The following RWDD2B variants were observed in gnomAD, a reference collection of about 807,000 sequenced individuals.
RWDD2B encodes the protein RWD domain-containing protein 2B.
RWDD2B carries 36 observed loss-of-function variants against 33.6 expected under a neutral mutation model. The observed-to-expected ratio is 1.07, with a 90% CI of 0.82 to 1.42. The LOEUF is 1.42. Among genes scored for constraint, RWDD2B ranks in the 40% most tolerant of loss-of-function variants. RWDD2B has a pLI of 0.00. For missense variants in RWDD2B, 364 were observed against 377.5 expected (o/e 0.96, Z 0.30); for synonymous variants, 126 against 133.1 (o/e 0.95, Z 0.37).
Position 29,006,623 on chromosome 21 carries a change from A to C in RWDD2B, c.754T>G (p.Leu252Val). Residue 252 changes from leucine to valine, a missense_variant, in exon 5 of 5, where the codon TTA (leucine) becomes GTA (valine). Leu to Val is a conservative substitution (Grantham distance 32). Coordinates refer to ENST00000493196, the MANE Select transcript of RWDD2B (RefSeq NM_016940.3). Reference protein sequence around the residue: ...RLRKLNWKRILIRHREDIPFD... With the variant: ...RLRKLNWKRIVIRHREDIPFD... ...GGAATGTCTTCTCGATGGCGAATTA[A>C]AATTCTCTTCCAGTTTAATTTTCTG... 1 of 1,605,678 alleles carries C rather than the reference A, an allele frequency of 6.2e-7. No homozygotes were observed. Among genetic ancestry groups the C allele is most frequent in the Non-Finnish European group, 8.5e-7 (1 of 1,176,568 alleles).
chr21:29,016,365 A>C (rs1257898802), intron 1 of RWDD2B, among the ~76,000 whole-genome samples: 2 of 152,062 alleles, frequency 1.3e-5, no homozygotes, highest in African/African-American at 2.4e-5. Flanking sequence ...CCCAGGTTCA[A>C]GCGATTCTCC....
At chr21:29,010,145 T>C (rs542136335) in intron 1 of RWDD2B, among the ~76,000 whole-genome samples, 169 of 152,314 alleles carry the variant, frequency 1.1e-3, no homozygotes, top group African/African-American at 3.7e-3. Context: ...AACTGAATAC[T>C]GTGTATTCAA....
At chr21:29,018,303 A>C (rs540113631) in intron 1 of RWDD2B, among the ~76,000 whole-genome samples, 211 of 152,360 alleles carry the variant, frequency 1.4e-3, no homozygotes, top group African/African-American at 4.9e-3. Flanking sequence ...TGGGGAGCTG[A>C]AGCTTGGTTT....
At chr21:29,013,416 G>A (rs1445329184) in intron 1 of RWDD2B, among the ~76,000 whole-genome samples, 7 of 152,074 alleles carry the variant, frequency 4.6e-5, no homozygotes, top group South Asian at 4.1e-4. Context: ...TAGGCCTGGC[G>A]CGGTAGCTCA....
intron 1 of RWDD2B, among the ~76,000 whole-genome samples, chr21:29,013,816 C>A (rs1245337251): frequency 1.3e-5 from 2 of 151,678 alleles, no homozygotes; most frequent in East Asian, 3.9e-4. Context: ...CCATACCATA[C>A]TACTGCCAAG....
intron 1 of RWDD2B, among the ~76,000 whole-genome samples, chr21:29,012,936 A>T (rs1225184098): frequency 6.6e-6 from 1 of 152,140 alleles, no homozygotes; most frequent in Non-Finnish European, 1.5e-5. Flanking sequence ...TCTTATAATA[A>T]ATTTGAAATG....
At chr21:29,013,047 CTT>C (rs552941963) in intron 1 of RWDD2B, among the ~76,000 whole-genome samples, 14 of 139,086 alleles carry the variant, frequency 1.0e-4, no homozygotes, top group East Asian at 6.2e-4. Flanking sequence ...TCCTAATACT[CTT>C]TTTTTTTTTT....
At chr21:29,016,287 G>A (rs576005948) in intron 1 of RWDD2B, among the ~76,000 whole-genome samples, 63 of 150,768 alleles carry the variant, frequency 4.2e-4, no homozygotes, top group Non-Finnish European at 8.0e-4. Flanking sequence ...TTTTTGAGAC[G>A]GAGTTTCGCT....
rs553761599 is a variant in RWDD2B, at chr21:29,011,500, G to A, written c.68-2879C>T. Among the ~76,000 whole-genome samples, 9 of 151,664 alleles carry A rather than the reference G, an allele frequency of 5.9e-5. No homozygotes were observed. In the East Asian group the frequency reaches 7.9e-4, roughly 13 times the overall value. On this transcript the variant is annotated intron_variant, in intron 1 of 4. Coordinates refer to ENST00000493196, the MANE Select transcript of RWDD2B (RefSeq NM_016940.3). ...CCACCCCGTCTGGGAAGTGAGGAGCGTCTCTACCCGGCAGCCACCTCGTCC... is the reference window on the plus strand; with the variant it reads ...CCACCCCGTCTGGGAAGTGAGGAGCATCTCTACCCGGCAGCCACCTCGTCC...
intron 1 of RWDD2B, among the ~76,000 whole-genome samples, chr21:29,013,281 C>G (rs1187068132): frequency 3.3e-5 from 5 of 152,152 alleles, no homozygotes; most frequent in Admixed American, 3.3e-4. Context: ...CTCTTCATAG[C>G]CATCACTCTT....
chr21:29,018,299 G>A (rs574537866), intron 1 of RWDD2B, among the ~76,000 whole-genome samples: 49 of 152,336 alleles, frequency 3.2e-4, no homozygotes, highest in African/African-American at 1.1e-3. Flanking sequence ...GTCATGGGGA[G>A]CTGAAGCTTG....
At chr21:29,006,911 C>T (rs1029277209) in intron 4 of RWDD2B, among the ~76,000 whole-genome samples, 10 of 152,112 alleles carry the variant, frequency 6.6e-5, no homozygotes, top group African/African-American at 1.9e-4. Flanking sequence ...ATACACACCC[C>T]GTCCAAGAAG....
Position 29,008,005 on chromosome 21 carries a change from G to A in RWDD2B, c.481C>T (p.His161Tyr). ...TCTCTGCTGACATAGCCAGAGGCGT[G>A]TTCTCTAACCCACTCTGTGGCATTC... ...ILNATEWVRE[H>Y]ASGYVSRDTS... The change falls in exon 4 of 5, where the codon CAC becomes TAC. Residue 161 changes from histidine (H) to tyrosine (Y), a missense_variant. His to Tyr is a moderately conservative substitution (Grantham distance 83). Coordinates refer to ENST00000493196, the MANE Select transcript of RWDD2B (RefSeq NM_016940.3). 6.2e-7 allele frequency: 1 copy of A among 1,614,250 alleles called. No individual in the cohort carries two copies. Among genetic ancestry groups the A allele is most frequent in the Non-Finnish European group, 8.5e-7 (1 of 1,180,050 alleles).
At chr21:29,008,836 C>T (rs1250383654) in intron 1 of RWDD2B, among the ~76,000 whole-genome samples, 3 of 152,074 alleles carry the variant, frequency 2.0e-5, no homozygotes, top group Non-Finnish European at 2.9e-5. Context: ...TATAAAAAAA[C>T]AAACACAAAA....
At chr21:29,016,997 C>T (rs963992886) in intron 1 of RWDD2B, among the ~76,000 whole-genome samples, 10 of 151,636 alleles carry the variant, frequency 6.6e-5, no homozygotes, top group African/African-American at 2.4e-4. Flanking sequence ...CTAGCTCTGT[C>T]ACCCAGGCCA....
At chr21:29,012,208 C>G (rs1244016234) in intron 1 of RWDD2B, among the ~76,000 whole-genome samples, 8 of 150,144 alleles carry the variant, frequency 5.3e-5, no homozygotes, top group Admixed American at 4.6e-4. Context: ...GGCGCCTCTG[C>G]CCGGCCGCCC....
Position 29,007,862 on chromosome 21 carries a change from C to T in RWDD2B, c.624G>A (p.Glu208=), listed in dbSNP as rs141180081. 6.2e-7 allele frequency: 1 copy of T among 1,614,234 alleles called. No homozygotes were observed. Among genetic ancestry groups the T allele is most frequent in the Admixed American group, 1.7e-5 (1 of 60,030 alleles). The change falls in exon 4 of 5, where the codon GAG becomes GAA. Residue 208 remains glutamate (E), a synonymous_variant. Coordinates refer to ENST00000493196, the MANE Select transcript of RWDD2B (RefSeq NM_016940.3). ...YNKCKRKNIL[E]WAKELSLSGF... ...CAGACAGGGAAAGCTCCTTTGCCCA[C>T]TCTAGAATATTCTTTCTTTTGCATT...
rs2084822527 is a variant in RWDD2B, at chr21:29,005,195, A to AT, written c.*1221dup. The AT allele has an allele frequency of 6.6e-6, 1 of 152,168 alleles. No homozygotes were observed. Among genetic ancestry groups the AT allele is most frequent in the African/African-American group, 2.4e-5 (1 of 41,438 alleles). The allele number at this position is 152,168 out of a possible 1,614,324, so 9.4% of individuals were successfully genotyped here. On this transcript the variant is annotated 3_prime_UTR_variant, in exon 5 of 5. Coordinates refer to ENST00000493196, the MANE Select transcript of RWDD2B (RefSeq NM_016940.3). ...TGTCAGAATACAATTTGCCAAACAA[A>AT]TTTTCTAAATTACTAATTTGATGAA... is the stretch of plus-strand genomic sequence containing the variant.
rs71189332 is a variant in RWDD2B at position 29,012,177 on chromosome 21, G to GCCC, written c.68-3559_68-3557dup. On this transcript the variant is annotated intron_variant, in intron 1 of 4. Coordinates refer to ENST00000493196, the MANE Select transcript of RWDD2B (RefSeq NM_016940.3). ...TCCGGGAGGGAGGTGGGGGTGGTCAGCCCCCCCCCGGGAGGTGAGGGGCGC... is the reference window on the plus strand; with the variant it reads ...TCCGGGAGGGAGGTGGGGGTGGTCAGCCCCCCCCCCCCGGGAGGTGAGGGGCGC... Among the ~76,000 whole-genome samples, 481 of 98,072 alleles carry GCCC rather than the reference G, an allele frequency of 4.9e-3. 36 individuals carry two copies. The highest frequency in any genetic ancestry group is 6.2e-3 in the Non-Finnish European group (286 of 45,952). The allele number at this position is 98,072 out of a possible 152,430, so 64.3% of individuals were successfully genotyped here.
Sources: allele counts gnomAD v4.1 joint callset (sites outside exome capture counted in the v4.1 genomes callset), GRCh38; gene constraint gnomAD v4.1.1; transcripts MANE v1.5; gene names NCBI Gene and HGNC (gene_info 2026-07-23, HGNC 2026-07-21).